SLCO1A2: variants seen among roughly 807,000 people sequenced by gnomAD.
SLCO1A2 encodes OATP-1.
Under a neutral mutation model 69.0 loss-of-function variants are expected in SLCO1A2, and 67 were observed. That is an observed-to-expected ratio of 0.97 (90% CI 0.80 to 1.19). The LOEUF (loss-of-function observed/expected upper bound fraction) is 1.19. Among genes scored for constraint, SLCO1A2 ranks in the 50% most tolerant of loss-of-function variants. The pLI, the probability that SLCO1A2 is intolerant of heterozygous loss-of-function variation, is 0.00. For synonymous variants in SLCO1A2, 260 were observed against 265.9 expected (o/e 0.98, Z 0.22); for missense variants, 787 against 793.7 (o/e 0.99, Z 0.10).
intron 9 of SLCO1A2, among the ~76,000 whole-genome samples, chr12:21,296,020 C>G (rs529066674): frequency 6.6e-6 from 1 of 152,266 alleles, no homozygotes; most frequent in East Asian, 1.9e-4. Flanking sequence ...ATTATATTAT[C>G]ATTCATTTAA....
chr12:21,323,264 T>A (rs1164380147), intron 2 of SLCO1A2, among the ~76,000 whole-genome samples: 4 of 152,214 alleles, frequency 2.6e-5, no homozygotes, highest in African/African-American at 9.6e-5. Context: ...AATAATTTTT[T>A]AATATATACT....
At position 21,297,368 on chromosome 12, in the gene SLCO1A2, A is replaced by G. The variant is rs550238842; in HGVS notation, c.1075+36T>C. The G allele has an allele frequency of 9.6e-6, 15 of 1,563,654 alleles. No individual in the cohort carries two copies. The African/African-American group carries it at 1.4e-4, about 14-fold the overall frequency. ...CGCCATCACACTGTTCGTGGGGGGG[A>G]AAGTGTGCTAGTAAGGCAGAGAAAA... is the stretch of plus-strand genomic sequence containing the variant. On this transcript the variant is annotated intron_variant, in intron 9 of 14. Transcript: ENST00000683939.
chr12:21,373,531 A>G (rs571249008), intron 2 of SLCO1A2: 19 of 829,558 alleles, frequency 2.3e-5, no homozygotes, highest in Non-Finnish European at 3.8e-5. Context: ...ATTTCTGACT[A>G]TATCATACTT....
chr12:21,412,879 C>T (rs1041079690), intron 1 of SLCO1A2, among the ~76,000 whole-genome samples: 1 of 152,136 alleles, frequency 6.6e-6, no homozygotes, highest in Non-Finnish European at 1.5e-5. Flanking sequence ...CACTTAGACT[C>T]CATCACTTCA....
chr12:21,283,559 A>G (rs1173429819), intron 12 of SLCO1A2, among the ~76,000 whole-genome samples: 1 of 152,172 alleles, frequency 6.6e-6, no homozygotes, highest in Non-Finnish European at 1.5e-5. Flanking sequence ...TAATGAAAAA[A>G]AAATGGATAA....
chr12:21,347,701 A>G lies in SLCO1A2; in HGVS notation c.-62-12992T>C, dbSNP rs866567223. 4.4e-3 allele frequency among the ~76,000 whole-genome samples: 312 copies of G among 70,366 alleles called. 3 individuals carry two copies. Among genetic ancestry groups the G allele is most frequent in the African/African-American group, 0.018 (298 of 16,398 alleles). 46.2% of individuals were successfully genotyped at this position (70,366 alleles called of 152,430 possible). A position where few individuals can be genotyped will look rare whatever the true frequency, so the allele number is the denominator to read the frequency against. On this transcript the variant is annotated intron_variant, in intron 2 of 15. Coordinates refer to the SLCO1A2 transcript ENST00000307378. ...GGAAGGAAGGAAGGAAGGAAGGAAG[A>G]AGGAAAAAAGGAAGGAAGAGGGAAG... is the stretch of plus-strand genomic sequence containing the variant.
chr12:21,340,472 G>C (rs966988846), intron 2 of SLCO1A2, among the ~76,000 whole-genome samples: 2 of 151,988 alleles, frequency 1.3e-5, no homozygotes, highest in African/African-American at 4.8e-5. Flanking sequence ...AGAAGAAAAA[G>C]AGAAAAGGAA....
intron 1 of SLCO1A2, among the ~76,000 whole-genome samples, chr12:21,385,226 T>C (rs1940818396): frequency 6.6e-6 from 1 of 152,212 alleles, no homozygotes; most frequent in Non-Finnish European, 1.5e-5. Flanking sequence ...ATAACTGTTA[T>C]AAAACTCTCT....
intron 14 of SLCO1A2, among the ~76,000 whole-genome samples, chr12:21,271,749 TG>T (rs1942898602): frequency 6.7e-6 from 1 of 148,306 alleles, no homozygotes; most frequent in African/African-American, 2.4e-5. Context: ...TATTTACATA[TG>T]TAATATAGCT....
Position 21,301,208 on chromosome 12 carries a change from A to C in SLCO1A2, c.651T>G (p.Cys217Trp), listed in dbSNP as rs1948670574. Residue 217 changes from cysteine to tryptophan, a missense_variant, in exon 7 of 15, where the codon TGT becomes TGG. Physicochemically the swap from Cys to Trp is radical, Grantham distance 215. Transcript: ENST00000683939. ...ATCCAGTGTCAACATAAACATTTGC[A>C]CAGAATGATGCCAACAAAAGTCCAA... Reference protein sequence around the residue: ...PLIGLLLASFCANVYVDTGFV... With the variant: ...PLIGLLLASFWANVYVDTGFV... 8.7e-6 allele frequency: 14 copies of C among 1,612,796 alleles called. No homozygotes were observed. Among genetic ancestry groups the C allele is most frequent in the South Asian group, 3.3e-5 (3 of 90,980 alleles).
At chr12:21,304,665 A>G (rs1949132442) in intron 5 of SLCO1A2, 92 bp from the exon 6 acceptor site, 1 of 1,170,764 alleles carries the variant, frequency 8.5e-7, no homozygotes, top group East Asian at 2.4e-5. Context: ...TTTCACAGTT[A>G]TATGACCATG....
chr12:21,402,841 C>G (rs1941750608), intron 1 of SLCO1A2, among the ~76,000 whole-genome samples: 1 of 151,984 alleles, frequency 6.6e-6, no homozygotes, highest in Admixed American at 6.6e-5. Flanking sequence ...AAGATACGCC[C>G]AAAATTGACT....
At chr12:21,368,758 C>T (rs945363699) in intron 2 of SLCO1A2, among the ~76,000 whole-genome samples, 3 of 151,520 alleles carry the variant, frequency 2.0e-5, no homozygotes, top group Non-Finnish European at 4.4e-5. Flanking sequence ...TTGAAAGTTC[C>T]CAAAAGAAAC....
chr12:21,306,840 A>AC (rs1160220263), intron 5 of SLCO1A2, 42 bp downstream of exon 5: 2 of 1,329,306 alleles, frequency 1.5e-6, no homozygotes, highest in African/African-American at 2.9e-5. Flanking sequence ...GTGTTTAGTT[A>AC]TAAGTTCGCT....
In SLCO1A2 at chr12:21,285,355, G is replaced by A. The variant is rs550892708; in HGVS notation, c.1610+6809C>T. On this transcript the variant is annotated intron_variant, in intron 12 of 14. Transcript: ENST00000683939. The stretch of plus-strand genomic sequence containing the variant: ...GACCAATAACAGGAGCTGAAATTGT[G>A]GCAATAATCAATAGTTTACCAACAA... Among the ~76,000 whole-genome samples, 790 of 151,438 alleles carry A rather than the reference G, an allele frequency of 5.2e-3. 5 individuals carry two copies. Among genetic ancestry groups the A allele is most frequent in the African/African-American group, 0.017 (686 of 41,294 alleles).
At chr12:21,359,587 T>C (rs946539242) in intron 2 of SLCO1A2, among the ~76,000 whole-genome samples, 2 of 152,018 alleles carry the variant, frequency 1.3e-5, no homozygotes, top group Admixed American at 1.3e-4. Flanking sequence ...TAAATGTCAA[T>C]GGACTTCTAA....
intron 2 of SLCO1A2, among the ~76,000 whole-genome samples, chr12:21,361,564 C>T (rs1405948383): frequency 6.6e-6 from 1 of 152,138 alleles, no homozygotes; most frequent in Non-Finnish European, 1.5e-5. Context: ...CAGAAGAAGG[C>T]TTCAGAAGAT....
Position 21,295,706 on chromosome 12 carries a change from C to T in SLCO1A2, c.1162G>A (p.Ala388Thr), listed in dbSNP as rs894763906. Residue 388 changes from alanine (A) to threonine (T), a missense_variant, in exon 10 of 15, where the codon GCC becomes ACC. Ala to Thr is a moderately conservative substitution (Grantham distance 58). Transcript: ENST00000683939. ...AAGGATAACCAACATCCTATGTGGG[C>T]AGCTTGTTTGACAGTAATCTTGAAC... ...KKFKITVKQA[A>T]HIGCWLSLLE... 7 of 1,608,504 alleles carry T rather than the reference C, an allele frequency of 4.4e-6. No homozygotes were observed. The highest frequency in any genetic ancestry group is 1.6e-4 in the Middle Eastern group (1 of 6,072).
In SLCO1A2 at chr12:21,295,763, C is replaced by T. The variant is rs1056174384; in HGVS notation, c.1105G>A (p.Gly369Arg). The T allele has an allele frequency of 1.3e-6, 2 of 1,583,822 alleles. No homozygotes were observed. The highest frequency in any genetic ancestry group is 1.1e-5 in the South Asian group (1 of 89,508). Residue 369 changes from glycine (G) to arginine (R), a missense_variant, in exon 10 of 15, where the codon GGA becomes AGA. Transcript: ENST00000683939. ...GIYNLPPICI[G>R]YIIGGLIMKK... is the part of the protein sequence containing the mutation. Reference sequence around the variant, plus strand: ...ATAATTAAACCACCAATTATATATCCAATACATATTGGAGGTAAGTTATAA... The same window carrying T: ...ATAATTAAACCACCAATTATATATCTAATACATATTGGAGGTAAGTTATAA...
Sources: gnomAD v4.1 joint callset for allele counts (sites outside exome capture counted in the v4.1 genomes callset) on GRCh38, gnomAD v4.1.1 for gene constraint, MANE v1.5 for transcripts, NCBI Gene and HGNC (gene_info 2026-07-23, HGNC 2026-07-21) for gene names.